Variants in IQSEC3 observed in about 807,000 individuals in gnomAD.
IQSEC3 encodes IQ motif and SEC7 domain-containing protein 3.
A neutral mutation model predicts 105.4 loss-of-function variants in IQSEC3; 50 were observed. That is an observed-to-expected ratio of 0.47 (90% CI 0.38 to 0.60). The LOEUF is 0.60. Ranked by LOEUF, IQSEC3 falls within the 20% of genes least tolerant of loss-of-function variation. The pLI, the probability that IQSEC3 is intolerant of heterozygous loss-of-function variation, is 0.00. For synonymous variants in IQSEC3, 708 were observed against 746.0 expected (o/e 0.95, Z 0.83); for missense variants, 1,415 against 1,630.0 (o/e 0.87, Z 2.27).
At chr12:115,272 G>A (rs1865012816) in intron 2 of IQSEC3, among the ~76,000 whole-genome samples, 3 of 152,178 alleles carry the variant, frequency 2.0e-5, no homozygotes, top group South Asian at 2.1e-4. Context: ...GTGAGGAGCT[G>A]TTCTTCCCTG....
At position 171,197 on chromosome 12, in the gene IQSEC3, C is replaced by A; in HGVS notation, c.3114+36C>A. Reference sequence around the variant, plus strand: ...CCCTGGTTGCCCAGGTGAGTGACTACCCTGCCCCCTTGTTCTTCTTCTCAC... The same window carrying A: ...CCCTGGTTGCCCAGGTGAGTGACTAACCTGCCCCCTTGTTCTTCTTCTCAC... On this transcript the variant is annotated intron_variant, in intron 13 of 13. Coordinates refer to ENST00000538872, the MANE Select transcript of IQSEC3 (RefSeq NM_001170738.2). 3 of 1,613,822 alleles carry A rather than the reference C, an allele frequency of 1.9e-6. No individual in the cohort carries two copies. In the East Asian group the frequency reaches 6.7e-5, roughly 36 times the overall value.
intron 5 of IQSEC3, among the ~76,000 whole-genome samples, chr12:145,260 TA>T (rs1555090631): frequency 6.6e-6 from 1 of 152,216 alleles, no homozygotes; most frequent in East Asian, 1.9e-4. Context: ...AAGTTATCTG[TA>T]AATGTTAGCT....
intron 1 of IQSEC3, among the ~76,000 whole-genome samples, chr12:73,408 A>C (rs1425590955): frequency 6.6e-6 from 1 of 152,284 alleles, no homozygotes; most frequent in African/African-American, 2.4e-5. Flanking sequence ...TAAGTGCTCA[A>C]TACATTGCAG....
intron 1 of IQSEC3, among the ~76,000 whole-genome samples, chr12:84,236 C>G (rs1422442869): frequency 6.6e-6 from 1 of 152,258 alleles, no homozygotes; most frequent in African/African-American, 2.4e-5. Flanking sequence ...CCGTGGCCCA[C>G]TCATCTCAGT....
chr12:116,218 A>C (rs10735066), intron 2 of IQSEC3, among the ~76,000 whole-genome samples: 115,117 of 152,098 alleles, frequency 0.76, 43,751 homozygotes, highest in Non-Finnish European at 0.78. Flanking sequence ...CAAGGCCACA[A>C]CGCAGGTAGC....
At position 81,024 on chromosome 12, in the gene IQSEC3, C is replaced by A. The variant is rs147912066; in HGVS notation, c.554+13588C>A. 4.8e-4 allele frequency among the ~76,000 whole-genome samples: 73 copies of A among 152,288 alleles called. No individual in the cohort carries two copies. In the East Asian group the frequency reaches 0.013, roughly 27 times the overall value. ...GCATGGGAGGGTAGGAGGGTGCAGG[C>A]GCGTAGCAGATCTTGTAAGAGATTC... is the stretch of plus-strand genomic sequence containing the variant. On this transcript the variant is annotated intron_variant, in intron 1 of 13. Transcript: ENST00000538872.
rs946508825 is a variant in IQSEC3 at position 126,575 on chromosome 12, G to A, written c.903+663G>A. Among the ~76,000 whole-genome samples, 45 of 151,628 alleles carry A rather than the reference G, an allele frequency of 3.0e-4. 1 individual carries two copies. Among genetic ancestry groups the A allele is most frequent in the Non-Finnish European group, 5.0e-4 (34 of 67,856 alleles). Reference sequence around the variant, plus strand: ...TGTGTGTGTGTGTGTGTGTGTGTGCGCTTAGAGAAAGGTGTGATGGTGTGA... The same window carrying A: ...TGTGTGTGTGTGTGTGTGTGTGTGCACTTAGAGAAAGGTGTGATGGTGTGA... On this transcript the variant is annotated intron_variant, in intron 3 of 13. Transcript: ENST00000538872.
At chr12:94,470 G>A (rs1555074281) in intron 1 of IQSEC3, among the ~76,000 whole-genome samples, 1 of 152,238 alleles carries the variant, frequency 6.6e-6, no homozygotes, top group African/African-American at 2.4e-5. Context: ...AAGAAGACAA[G>A]AAGGGTTCTG....
chr12:112,738 G>C (rs1006557127), intron 2 of IQSEC3, among the ~76,000 whole-genome samples: 1 of 152,186 alleles, frequency 6.6e-6, no homozygotes, highest in Non-Finnish European at 1.5e-5. Flanking sequence ...TGCTCATGGA[G>C]AGACCCAGGG....
chr12:81,352 C>A (rs1364409195), intron 1 of IQSEC3, among the ~76,000 whole-genome samples: 2 of 152,144 alleles, frequency 1.3e-5, no homozygotes, highest in African/African-American at 4.8e-5. Context: ...TTAAAAGGAA[C>A]TTTGGATGCT....
At chr12:132,335 T>A (rs1439883114) in intron 3 of IQSEC3, among the ~76,000 whole-genome samples, 2 of 152,112 alleles carry the variant, frequency 1.3e-5, no homozygotes, top group Non-Finnish European at 2.9e-5. Flanking sequence ...AGTAGGACTT[T>A]GTGGCCCAGC....
chr12:108,195 G>A (rs1555078545), intron 2 of IQSEC3, among the ~76,000 whole-genome samples: 2 of 152,228 alleles, frequency 1.3e-5, no homozygotes, highest in Non-Finnish European at 2.9e-5. Flanking sequence ...GAAGCAGGAG[G>A]CTTTTTAAAA....
intron 1 of IQSEC3, among the ~76,000 whole-genome samples, chr12:98,652 C>G (rs781871785): frequency 1.7e-4 from 26 of 152,176 alleles, no homozygotes; most frequent in Non-Finnish European, 3.5e-4. Context: ...TTTTAGCTGG[C>G]AACACTGAAG....
At chr12:86,098 A>AC (rs1863908449) in intron 1 of IQSEC3, among the ~76,000 whole-genome samples, 1 of 152,204 alleles carries the variant, frequency 6.6e-6, no homozygotes, top group South Asian at 2.1e-4. Flanking sequence ...ATGTATATAA[A>AC]CATCAGTGAT....
At chr12:121,870 T>C (rs1865230184) in intron 2 of IQSEC3, among the ~76,000 whole-genome samples, 1 of 152,154 alleles carries the variant, frequency 6.6e-6, no homozygotes. Context: ...CTTTATTTTT[T>C]CCTGACAGCA....
intron 5 of IQSEC3, among the ~76,000 whole-genome samples, chr12:146,879 T>C (rs1242378295): frequency 6.6e-6 from 1 of 152,006 alleles, no homozygotes; most frequent in Non-Finnish European, 1.5e-5. Flanking sequence ...GTCTTTGGGG[T>C]TATGGCCTTG....
In IQSEC3 at chr12:170,509, G is replaced by A. The variant is rs150175978; in HGVS notation, c.3065-603G>A. Among the ~76,000 whole-genome samples, 710 of 152,368 alleles carry A rather than the reference G, an allele frequency of 4.7e-3. 15 individuals carry two copies. Among genetic ancestry groups the A allele is most frequent in the Admixed American group, 0.037 (563 of 15,308 alleles). The stretch of plus-strand genomic sequence containing the variant: ...CCCCAGGGGTTGGGAAATGAGAGGG[G>A]CTCCTGCGGGGGTCGGGGTGGAAGC... On this transcript the variant is annotated intron_variant, in intron 12 of 13. Transcript: ENST00000538872.
chr12:76,030 C>T (rs1369963537), intron 1 of IQSEC3, among the ~76,000 whole-genome samples: 1 of 152,158 alleles, frequency 6.6e-6, no homozygotes, highest in Non-Finnish European at 1.5e-5. Flanking sequence ...AGCCTCTGAC[C>T]ACTCTGTCAG....
chr12:155,120 T>C (rs782645313), intron 5 of IQSEC3, among the ~76,000 whole-genome samples: 1 of 152,204 alleles, frequency 6.6e-6, no homozygotes, highest in Non-Finnish European at 1.5e-5. Context: ...TGTGGCCGCA[T>C]AGGGCCTTTG....
Sources: gnomAD v4.1 joint callset for allele counts (sites outside exome capture counted in the v4.1 genomes callset) on GRCh38, gnomAD v4.1.1 for gene constraint, MANE v1.5 for transcripts, NCBI Gene and HGNC (gene_info 2026-07-23, HGNC 2026-07-21) for gene names.